The following SPAM1 variants were observed in gnomAD, a reference collection of about 807,000 sequenced individuals.
SPAM1 encodes the protein sperm adhesion molecule 1, also known as hyaluronidase PH-20.
A neutral mutation model predicts 29.6 loss-of-function variants in SPAM1; 22 were observed. The ratio of observed to expected loss-of-function variants is 0.74; its 90% CI spans 0.53 to 1.06. The LOEUF is 1.06. SPAM1 is among the 50% of genes least tolerant of loss of function. The pLI, the probability that SPAM1 is intolerant of heterozygous loss-of-function variation, is 0.00. For missense variants in SPAM1, 534 were observed against 604.0 expected (o/e 0.88, Z 1.21); for synonymous variants, 194 against 204.6 (o/e 0.95, Z 0.44).
At chr7:123,941,592 G>A (rs1016382766) in intron 1 of SPAM1, among the ~76,000 whole-genome samples, 1 of 152,172 alleles carries the variant, frequency 6.6e-6, no homozygotes, top group Non-Finnish European at 1.5e-5. Flanking sequence ...AGTTCTGTCT[G>A]TCCTTTGTTC....
At chr7:123,933,302 T>C (rs564240762) in intron 1 of SPAM1, among the ~76,000 whole-genome samples, 4 of 152,252 alleles carry the variant, frequency 2.6e-5, no homozygotes, top group African/African-American at 9.6e-5. Context: ...CTCCCACTTA[T>C]AAGCGAGAAC....
At chr7:123,929,192 T>A (rs1225320332) in intron 1 of SPAM1, among the ~76,000 whole-genome samples, 1 of 152,168 alleles carries the variant, frequency 6.6e-6, no homozygotes, top group Non-Finnish European at 1.5e-5. Context: ...CACAAAAACC[T>A]TGGCATCCCC....
chr7:123,934,377 A>C (rs934381344), intron 1 of SPAM1, among the ~76,000 whole-genome samples: 1 of 152,146 alleles, frequency 6.6e-6, no homozygotes, highest in African/African-American at 2.4e-5. Context: ...AAGAGAACTC[A>C]CACCTTGTTG....
intron 1 of SPAM1, among the ~76,000 whole-genome samples, chr7:123,928,004 C>T (rs1259405611): frequency 1.3e-5 from 2 of 151,974 alleles, no homozygotes; most frequent in Non-Finnish European, 1.5e-5. Flanking sequence ...GGGGTGACGG[C>T]GCATTGTAAG....
intron 5 of SPAM1, among the ~76,000 whole-genome samples, chr7:123,969,937 C>T (rs907690442): frequency 1.3e-5 from 2 of 152,030 alleles, no homozygotes; most frequent in Non-Finnish European, 2.9e-5. Context: ...AAACTTGGAA[C>T]CTCAGAGCTA....
At chr7:123,960,810 G>A (rs532230705), downstream of SPAM1, among the ~76,000 whole-genome samples, 147 of 151,842 alleles carry the variant, frequency 9.7e-4, no homozygotes, top group African/African-American at 3.5e-3. Context: ...GAAAAAAAAG[G>A]AAAATGTTTT....
intron 1 of SPAM1, among the ~76,000 whole-genome samples, chr7:123,941,290 T>A (rs1394236351): frequency 1.3e-5 from 2 of 152,138 alleles, no homozygotes; most frequent in African/African-American, 4.8e-5. Flanking sequence ...TGTTCCCAAG[T>A]TGGTCGGGGT....
intron 5 of SPAM1, among the ~76,000 whole-genome samples, chr7:123,967,653 T>C (rs908048793): frequency 6.6e-6 from 1 of 151,110 alleles, no homozygotes; most frequent in African/African-American, 2.4e-5. Context: ...ATGGGGAGAG[T>C]GTGAGAGCCT....
chr7:123,946,868 C>T (rs1481003558), intron 1 of SPAM1, among the ~76,000 whole-genome samples: 1 of 152,104 alleles, frequency 6.6e-6, no homozygotes, highest in Non-Finnish European at 1.5e-5. Context: ...TTCTGTCTGT[C>T]CTTTGTCCAG....
chr7:123,968,530 G>C (rs1390820568), intron 5 of SPAM1, among the ~76,000 whole-genome samples: 1 of 152,004 alleles, frequency 6.6e-6, no homozygotes, highest in African/African-American at 2.4e-5. Flanking sequence ...AGCACAGGTG[G>C]AGAAGCAGGT....
At chr7:123,956,687 A>G (rs1324339236) in intron 4 of SPAM1, among the ~76,000 whole-genome samples, 2 of 152,004 alleles carry the variant, frequency 1.3e-5, no homozygotes, top group African/African-American at 2.4e-5. Flanking sequence ...CAATATACCA[A>G]TTATTTTACC....
rs182274729 is a variant in SPAM1 at position 123,939,685 on chromosome 7, G to A, written c.-318-10187G>A. Among the ~76,000 whole-genome samples the A allele has an allele frequency of 2.9e-3, 447 of 152,270 alleles. 1 individual carries two copies. The highest frequency in any genetic ancestry group is 9.9e-3 in the African/African-American group (413 of 41,552). On this transcript the variant is annotated intron_variant, in intron 1 of 4. Transcript: ENST00000682466. Reference sequence around the variant, plus strand: ...TCAAACTCTAATCAGGCTCATTTGTGCATTATTTTTGTCTAAGTTTCAGAC... The same window carrying A: ...TCAAACTCTAATCAGGCTCATTTGTACATTATTTTTGTCTAAGTTTCAGAC...
At position 123,954,477 on chromosome 7, in the gene SPAM1, T is replaced by G. The variant is rs755292470; in HGVS notation, c.907T>G (p.Tyr303Asp). The G allele has an allele frequency of 4.3e-6, 7 of 1,612,278 alleles. No homozygotes were observed. In the Admixed American group the frequency reaches 1.2e-4, roughly 27 times the overall value. ...AAAAAGTCCACTTCCGGTTTTTGCA[T>G]ATACCCGCATAGTTTTTACTGATCA... ...DAKSPLPVFA[Y>D]TRIVFTDQVL... The change falls in exon 3 of 5, where the codon TAT becomes GAT. Residue 303 changes from tyrosine (Y) to aspartate (D), a missense_variant. Transcript: ENST00000682466.
intron 3 of SPAM1, 80 bp from the exon 4 acceptor site, chr7:123,954,917 C>G (rs1792214522): frequency 1.2e-6 from 1 of 868,826 alleles, no homozygotes; most frequent in Admixed American, 1.8e-5. Flanking sequence ...GGTCAGCATG[C>G]TTAGCTTTTG....
Position 123,953,948 on chromosome 7 carries a change from A to C in SPAM1, c.378A>C (p.Lys126Asn), listed in dbSNP as rs1160287595. 6.2e-7 allele frequency: 1 copy of C among 1,613,774 alleles called. No individual in the cohort carries two copies. Among genetic ancestry groups the C allele is most frequent in the South Asian group, 1.1e-5 (1 of 91,074 alleles). The change falls in exon 3 of 5, where the codon AAA becomes AAC. Residue 126 changes from lysine to asparagine, a missense_variant. By Grantham distance (94) the Lys-to-Asn change is moderately conservative. Coordinates refer to ENST00000682466, the MANE Select transcript of SPAM1 (RefSeq NM_153189.3). The part of the protein sequence containing the change: ...QKISLQDHLD[K>N]AKKDITFYMP... ...TTTCCTTACAAGACCATCTGGACAA[A>C]GCTAAGAAAGACATTACATTTTATA...
In SPAM1 at chr7:123,953,971, A is replaced by G; in HGVS notation, c.401A>G (p.Tyr134Cys). The G allele has an allele frequency of 6.2e-7, 1 of 1,613,790 alleles. No homozygotes were observed. Among genetic ancestry groups the G allele is most frequent in the Non-Finnish European group, 8.5e-7 (1 of 1,179,830 alleles). The change falls in exon 3 of 5, where the codon TAT (tyrosine) becomes TGT (cysteine). Residue 134 changes from tyrosine to cysteine, a missense_variant. Tyr to Cys is a radical substitution (Grantham distance 194). Coordinates refer to ENST00000682466, the MANE Select transcript of SPAM1 (RefSeq NM_153189.3). Reference protein sequence around the residue: ...LDKAKKDITFYMPVDNLGMAV... With the variant: ...LDKAKKDITFCMPVDNLGMAV... ...AAAGCTAAGAAAGACATTACATTTTATATGCCAGTAGACAATTTGGGAATG... is the reference window on the plus strand; with the variant it reads ...AAAGCTAAGAAAGACATTACATTTTGTATGCCAGTAGACAATTTGGGAATG...
chr7:123,970,060 G>A (rs985801564), intron 5 of SPAM1: 7 of 714,912 alleles, frequency 9.8e-6, no homozygotes, highest in East Asian at 3.1e-5. Context: ...CCTTTAGTCC[G>A]GGTTCACTTT....
At position 123,959,899 on chromosome 7, in the gene SPAM1, C is replaced by T; in HGVS notation, c.1460C>T (p.Ser487Phe). ...EPQIFYNASP[S>F]TLSATMFIVS... The stretch of plus-strand genomic sequence containing the variant: ...CAAATTTTCTACAATGCTTCACCCT[C>T]CACACTATCTGCCACAATGTTCATT... Residue 487 changes from serine (S) to phenylalanine (F), a missense_variant, in exon 5 of 5, where the codon TCC (serine) becomes TTC (phenylalanine). By Grantham distance (155) the Ser-to-Phe change is radical. Coordinates refer to ENST00000682466, the MANE Select transcript of SPAM1 (RefSeq NM_153189.3). 3 of 1,612,716 alleles carry T rather than the reference C, an allele frequency of 1.9e-6. No individual in the cohort carries two copies. The highest frequency in any genetic ancestry group is 2.5e-6 in the Non-Finnish European group (3 of 1,179,428).
At chr7:123,957,531 T>C (rs890402109) in intron 4 of SPAM1, among the ~76,000 whole-genome samples, 1 of 151,972 alleles carries the variant, frequency 6.6e-6, no homozygotes. Flanking sequence ...AATATTGGAT[T>C]GTTACGAAGA....
Sources: gnomAD v4.1 joint callset for allele counts (sites outside exome capture counted in the v4.1 genomes callset) on GRCh38, gnomAD v4.1.1 for gene constraint, MANE v1.5 for transcripts, NCBI Gene and HGNC (gene_info 2026-07-23, HGNC 2026-07-21) for gene names.